EFCAB14: variants seen among roughly 807,000 people sequenced by gnomAD.
EFCAB14 encodes the protein EF-hand calcium-binding domain-containing protein 14.
A neutral mutation model predicts 56.5 loss-of-function variants in EFCAB14; 43 were observed. That is an observed-to-expected ratio of 0.76 (90% CI 0.60 to 0.98). The LOEUF is 0.98. Among genes scored for constraint, EFCAB14 ranks in the 50% least tolerant of loss-of-function variants. The pLI is 0.00. For synonymous variants in EFCAB14, 235 were observed against 212.9 expected (o/e 1.10, Z -0.90); for missense variants, 538 against 580.3 (o/e 0.93, Z 0.75).
At chr1:46,684,717 T>A in intron 8 of EFCAB14, 115 bp from the exon 9 acceptor site, 1 of 754,124 alleles carries the variant, frequency 1.3e-6, no homozygotes, top group Admixed American at 2.3e-5. Context: ...GTAGGTTCCC[T>A]ATAAAGACAA....
chr1:46,692,686 T>C (rs1286534093), intron 4 of EFCAB14, among the ~76,000 whole-genome samples: 2 of 152,196 alleles, frequency 1.3e-5, no homozygotes, highest in Non-Finnish European at 2.9e-5. Context: ...GAAGTGTATA[T>C]TGTGATTTTA....
intron 2 of EFCAB14, among the ~76,000 whole-genome samples, chr1:46,711,005 C>G (rs1185074989): frequency 6.6e-6 from 1 of 152,182 alleles, no homozygotes; most frequent in Non-Finnish European, 1.5e-5. Context: ...TAGTATTCTA[C>G]TGTGTATATA....
intron 4 of EFCAB14, 97 bp downstream of exon 4, chr1:46,696,454 T>C (rs1042090567): frequency 8.6e-7 from 1 of 1,164,318 alleles, no homozygotes; most frequent in Non-Finnish European, 1.3e-6. Context: ...AATGCTAGGC[T>C]TTCAATGAAA....
At chr1:46,705,762 C>T (rs1271888210) in intron 3 of EFCAB14, among the ~76,000 whole-genome samples, 2 of 152,068 alleles carry the variant, frequency 1.3e-5, no homozygotes, top group African/African-American at 4.8e-5. Context: ...ATGTATGTAT[C>T]GCTCACGTTT....
At chr1:46,704,130 A>C (rs1258292851) in intron 3 of EFCAB14, among the ~76,000 whole-genome samples, 1 of 152,038 alleles carries the variant, frequency 6.6e-6, no homozygotes, top group African/African-American at 2.4e-5. Flanking sequence ...ACAACTGTTT[A>C]CTTTTCTATT....
intron 10 of EFCAB14, among the ~76,000 whole-genome samples, chr1:46,679,475 T>A (rs1403733877): frequency 6.6e-6 from 1 of 151,742 alleles, no homozygotes; most frequent in East Asian, 1.9e-4. Context: ...TAATTTTTTT[T>A]AATGTTTAGT....
At chr1:46,699,964 C>A (rs894315783) in intron 3 of EFCAB14, among the ~76,000 whole-genome samples, 3 of 152,166 alleles carry the variant, frequency 2.0e-5, no homozygotes, top group African/African-American at 7.2e-5. Context: ...CCCAGAATGA[C>A]AAGTCCATGT....
intron 3 of EFCAB14, among the ~76,000 whole-genome samples, chr1:46,699,788 T>C (rs546495193): frequency 3.5e-4 from 54 of 152,348 alleles, no homozygotes; most frequent in African/African-American, 1.3e-3. Flanking sequence ...CCCTAGAGTG[T>C]AGCCTGACAT....
At chr1:46,707,770 G>T in intron 3 of EFCAB14, 136 bp downstream of exon 3, 1 of 756,168 alleles carries the variant, frequency 1.3e-6, no homozygotes, top group Non-Finnish European at 2.0e-6. Context: ...TGGGATTACA[G>T]TATGCAAAAC....
intron 10 of EFCAB14, among the ~76,000 whole-genome samples, chr1:46,680,888 T>C (rs1425952701): frequency 1.3e-5 from 2 of 152,178 alleles, no homozygotes; most frequent in African/African-American, 4.8e-5. Context: ...GCCAAAATGA[T>C]TAGAGAATGT....
intron 3 of EFCAB14, among the ~76,000 whole-genome samples, chr1:46,704,016 C>T (rs1265540352): frequency 1.3e-5 from 2 of 152,178 alleles, no homozygotes; most frequent in East Asian, 1.9e-4. Context: ...AGTTCAAGAT[C>T]TCTAGGAAAT....
chr1:46,704,653 C>T (rs373155486), intron 3 of EFCAB14, among the ~76,000 whole-genome samples: 64 of 152,142 alleles, frequency 4.2e-4, no homozygotes, highest in Non-Finnish European at 4.6e-4. Context: ...ACGTAGTCTA[C>T]GATATTTTGT....
At chr1:46,684,882 C>T (rs145168682) in intron 8 of EFCAB14, among the ~76,000 whole-genome samples, 1 of 152,308 alleles carries the variant, frequency 6.6e-6, no homozygotes, top group Non-Finnish European at 1.5e-5. Context: ...CATGTGTCAG[C>T]AGTAAAGGAA....
At chr1:46,694,018 T>C (rs1188030496) in intron 4 of EFCAB14, among the ~76,000 whole-genome samples, 1 of 152,248 alleles carries the variant, frequency 6.6e-6, no homozygotes, top group African/African-American at 2.4e-5. Flanking sequence ...GAAAACTGGC[T>C]AGCCATATGT....
intron 3 of EFCAB14, among the ~76,000 whole-genome samples, chr1:46,702,388 C>T (rs1160858269): frequency 6.6e-6 from 1 of 152,182 alleles, no homozygotes; most frequent in Admixed American, 6.5e-5. Flanking sequence ...CTACTGAGCA[C>T]CTACTGAATC....
At chr1:46,702,895 C>T (rs994392334) in intron 3 of EFCAB14, among the ~76,000 whole-genome samples, 1 of 152,146 alleles carries the variant, frequency 6.6e-6, no homozygotes, top group African/African-American at 2.4e-5. Context: ...TTATCTCTGG[C>T]CTTTTTTACC....
Position 46,718,097 on chromosome 1 carries a change from TGGGGTGA to T in EFCAB14, c.-17_-11del, listed in dbSNP as rs1677426451. On this transcript the variant is annotated 5_prime_UTR_variant, in exon 1 of 11. Coordinates refer to ENST00000371933, the MANE Select transcript of EFCAB14 (RefSeq NM_014774.3). Reference sequence around the variant, plus strand: ...CTTTGCGCTTTTTCATCTTTTTGTGTGGGGTGAGTGGAGCCCCGACTCCTGAGCTGCC... The same window carrying T: ...CTTTGCGCTTTTTCATCTTTTTGTGTGTGGAGCCCCGACTCCTGAGCTGCC... 1.2e-6 allele frequency: 2 copies of T among 1,612,508 alleles called. No homozygotes were observed. The highest frequency in any genetic ancestry group is 1.7e-6 in the Non-Finnish European group (2 of 1,178,974).
At chr1:46,705,019 A>G (rs1224693848) in intron 3 of EFCAB14, among the ~76,000 whole-genome samples, 1 of 152,208 alleles carries the variant, frequency 6.6e-6, no homozygotes, top group African/African-American at 2.4e-5. Context: ...AACTGCCACT[A>G]AAAGCATCTT....
intron 1 of EFCAB14, 84 bp from the exon 2 acceptor site, chr1:46,716,527 C>G (rs1240132452): frequency 6.8e-7 from 1 of 1,476,296 alleles, no homozygotes; most frequent in African/African-American, 1.4e-5. Flanking sequence ...TTTTGCCATG[C>G]AATTATCTCC....
Sources: gnomAD v4.1 joint callset for allele counts (sites outside exome capture counted in the v4.1 genomes callset) on GRCh38, gnomAD v4.1.1 for gene constraint, MANE v1.5 for transcripts, NCBI Gene and HGNC (gene_info 2026-07-23, HGNC 2026-07-21) for gene names.